The following CNTN5 variants were observed in gnomAD, a reference collection of about 807,000 sequenced individuals.
CNTN5 encodes the protein contactin-5.
A neutral mutation model predicts 129.1 loss-of-function variants in CNTN5; 77 were observed. That is an observed-to-expected ratio of 0.60 (90% confidence interval 0.50 to 0.72). The LOEUF (loss-of-function observed/expected upper bound fraction) is 0.72. CNTN5 is among the 30% of genes least tolerant of loss of function. The pLI is 0.00. For missense variants in CNTN5, 1,478 were observed against 1,328.8 expected (o/e 1.11, Z -1.75); for synonymous variants, 509 against 465.6 (o/e 1.09, Z -1.20).
intron 3 of CNTN5, among the ~76,000 whole-genome samples, chr11:99,733,372 G>A (rs1258311734): frequency 7.3e-6 from 1 of 137,404 alleles, no homozygotes; most frequent in Non-Finnish European, 1.6e-5. Flanking sequence ...GGCGCCTCCT[G>A]CTGGTTTCAC....
At chr11:100,189,513 A>G (rs892079446) in intron 13 of CNTN5, among the ~76,000 whole-genome samples, 2 of 152,170 alleles carry the variant, frequency 1.3e-5, no homozygotes, top group African/African-American at 4.8e-5. Flanking sequence ...AATTCACCCA[A>G]GTCAGTAAAA....
intron 3 of CNTN5, among the ~76,000 whole-genome samples, chr11:99,727,286 C>G (rs1943377363): frequency 1.1e-5 from 1 of 95,188 alleles, no homozygotes; most frequent in Non-Finnish European, 2.1e-5. Flanking sequence ...GCAGTCCGGC[C>G]TGGGCGACAG....
At chr11:99,743,130 G>T (rs569167142) in intron 3 of CNTN5, among the ~76,000 whole-genome samples, 8 of 152,156 alleles carry the variant, frequency 5.3e-5, no homozygotes, top group Non-Finnish European at 1.2e-4. Flanking sequence ...GAAGGAGGAG[G>T]AGAGAGATAT....
chr11:99,792,240 A>G (rs1015451735), intron 3 of CNTN5, among the ~76,000 whole-genome samples: 2 of 152,262 alleles, frequency 1.3e-5, no homozygotes, highest in African/African-American at 4.8e-5. Context: ...TGGGTTTGTC[A>G]GAGATGACTT....
intron 9 of CNTN5, among the ~76,000 whole-genome samples, chr11:100,051,627 T>C (rs1187095821): frequency 6.6e-6 from 1 of 151,842 alleles, no homozygotes; most frequent in Non-Finnish European, 1.5e-5. Flanking sequence ...GTAGTAGATA[T>C]CAGTTAAATT....
chr11:99,134,601 T>A (rs910344927), intron 1 of CNTN5, among the ~76,000 whole-genome samples: 3 of 152,178 alleles, frequency 2.0e-5, no homozygotes, highest in Admixed American at 6.5e-5. Context: ...TACCTAAGCA[T>A]CATCATGATA....
chr11:99,652,193 C>T (rs985216595), intron 3 of CNTN5, among the ~76,000 whole-genome samples: 1 of 152,020 alleles, frequency 6.6e-6, no homozygotes. Context: ...CTGAAGTCTT[C>T]ATTGTCTTGC....
intron 2 of CNTN5, among the ~76,000 whole-genome samples, chr11:99,414,665 T>G (rs185828724): frequency 2.4e-4 from 37 of 152,234 alleles, no homozygotes; most frequent in Non-Finnish European, 1.2e-4. Context: ...AAATGACATC[T>G]GAGCAGGACC....
At chr11:99,280,676 T>G (rs1051149683) in intron 1 of CNTN5, among the ~76,000 whole-genome samples, 26 of 151,958 alleles carry the variant, frequency 1.7e-4, no homozygotes, top group African/African-American at 6.0e-4. Flanking sequence ...GTATTATTTA[T>G]GCTCTCTGGA....
chr11:100,076,463 A>C (rs1403053181), intron 13 of CNTN5, among the ~76,000 whole-genome samples: 3 of 152,128 alleles, frequency 2.0e-5, no homozygotes, highest in Non-Finnish European at 4.4e-5. Context: ...CTATTACAAC[A>C]ACATAAGCTT....
chr11:99,182,968 G>A (rs896402197), intron 1 of CNTN5, among the ~76,000 whole-genome samples: 16 of 152,106 alleles, frequency 1.1e-4, no homozygotes, highest in African/African-American at 3.9e-4. Context: ...TAATGGGGTA[G>A]ATTATGTGAT....
intron 3 of CNTN5, among the ~76,000 whole-genome samples, chr11:99,735,402 T>C (rs2135124728): frequency 6.6e-6 from 1 of 152,356 alleles, no homozygotes; most frequent in Middle Eastern, 3.4e-3. Context: ...ATGTTTATTT[T>C]GTACAGCAAC....
intron 7 of CNTN5, among the ~76,000 whole-genome samples, chr11:99,917,938 C>T (rs1402200969): frequency 6.6e-6 from 1 of 152,044 alleles, no homozygotes; most frequent in Non-Finnish European, 1.5e-5. Flanking sequence ...TGTTTTACAT[C>T]CGAACTCATC....
chr11:99,727,475 TA>T (rs948842291), intron 3 of CNTN5, among the ~76,000 whole-genome samples: 41 of 152,126 alleles, frequency 2.7e-4, no homozygotes, highest in African/African-American at 9.9e-4. Flanking sequence ...ACCTTATCAC[TA>T]AATATAATTT....
chr11:99,511,305 G>C (rs1348237790), intron 2 of CNTN5, among the ~76,000 whole-genome samples: 1 of 152,122 alleles, frequency 6.6e-6, no homozygotes, highest in Non-Finnish European at 1.5e-5. Flanking sequence ...TACGTACCCA[G>C]TAGTCATTCA....
At chr11:99,766,947 A>G (rs947981) in intron 3 of CNTN5, among the ~76,000 whole-genome samples, 80,219 of 151,774 alleles carry the variant, frequency 0.53, 21,741 homozygotes, top group East Asian at 0.71. Context: ...CTTAATCTTC[A>G]GATATTTGCT....
chr11:99,887,943 A>T lies in CNTN5; in HGVS notation c.578-28111A>T, dbSNP rs564418425. 4.6e-5 allele frequency among the ~76,000 whole-genome samples: 7 copies of T among 152,302 alleles called. No homozygotes were observed. The East Asian group carries it at 1.4e-3, about 29-fold the overall frequency. ...TAATCTCCTTTGGCAACACCCTCAC[A>T]GACACACCCAGGAACAATACTTTGC... On this transcript the variant is annotated intron_variant, in intron 6 of 24. Transcript: ENST00000524871.
chr11:99,451,092 G>A (rs1372391209), intron 2 of CNTN5, among the ~76,000 whole-genome samples: 1 of 152,068 alleles, frequency 6.6e-6, no homozygotes, highest in Non-Finnish European at 1.5e-5. Context: ...TATGGAATGG[G>A]TTGCTTCTAG....
At chr11:99,992,823 G>C (rs1228875785) in intron 8 of CNTN5, among the ~76,000 whole-genome samples, 1 of 152,148 alleles carries the variant, frequency 6.6e-6, no homozygotes, top group Non-Finnish European at 1.5e-5. Flanking sequence ...CAGCTGGAAG[G>C]CTTCTGTTTA....
Sources: allele counts gnomAD v4.1 joint callset (sites outside exome capture counted in the v4.1 genomes callset), GRCh38; gene constraint gnomAD v4.1.1; transcripts MANE v1.5; gene names NCBI Gene and HGNC (gene_info 2026-07-23, HGNC 2026-07-21).